Variants in SMC4 observed in about 807,000 individuals in gnomAD.
The protein encoded by SMC4 is structural maintenance of chromosomes protein 4.
A neutral mutation model predicts 145.6 loss-of-function variants in SMC4; 87 were observed. The ratio of observed to expected loss-of-function variants is 0.60; its 90% CI spans 0.50 to 0.71. The LOEUF is 0.71. SMC4 is among the 30% of genes least tolerant of loss of function. The pLI is 0.00. For synonymous variants in SMC4, 558 were observed against 500.7 expected (o/e 1.11, Z -1.53); for missense variants, 1,447 against 1,537.1 (o/e 0.94, Z 0.98).
Position 160,427,937 on chromosome 3 carries a change from GCACGCACACACACAAACACACACA to G in SMC4, c.2606-810_2606-787del, listed in dbSNP as rs143443366. ...CCCCATCTCTTTGAAAAATACACAC[GCACGCACACACACAAACACACACA>G]CACGCCGGGTGTGGTGGCACATGCT... On this transcript the variant is annotated intron_variant, in intron 17 of 23. Coordinates refer to ENST00000357388, the MANE Select transcript of SMC4 (RefSeq NM_001002800.3). Among the ~76,000 whole-genome samples, 1,058 of 151,956 alleles carry G rather than the reference GCACGCACACACACAAACACACACA, an allele frequency of 7.0e-3. 8 individuals are homozygous for G. The highest frequency in any genetic ancestry group is 0.024 in the African/African-American group (989 of 41,432).
chr3:160,406,111 AT>A (rs1451992752), intron 5 of SMC4, among the ~76,000 whole-genome samples: 2 of 152,122 alleles, frequency 1.3e-5, no homozygotes, highest in African/African-American at 4.8e-5. Context: ...AAATTGTCAA[AT>A]TTATATTACA....
In SMC4 at chr3:160,433,189, AT is replaced by A; in HGVS notation, c.3696del (p.Ile1232MetfsTer16). On this transcript the variant is annotated frameshift_variant, in exon 23 of 24. Transcript: ENST00000357388. LOFTEE classifies it high-confidence loss of function. The part of the protein sequence containing the change: ...DAALDFKNVS[I>X]VAFYIYEQTK... ...AGCCCTTGATTTTAAAAATGTGTCC[AT>A]TGTTGCATTTTATATATATGTAAGT... 6.2e-7 allele frequency: 1 copy of A among 1,612,558 alleles called. No homozygotes were observed. The highest frequency in any genetic ancestry group is 8.5e-7 in the Non-Finnish European group (1 of 1,179,102).
intron 16 of SMC4, among the ~76,000 whole-genome samples, chr3:160,425,351 T>G (rs1283738326): frequency 6.6e-6 from 1 of 152,198 alleles, no homozygotes; most frequent in East Asian, 1.9e-4. Flanking sequence ...GCACGCCCAC[T>G]GTTTTTTTAA....
At position 160,431,695 on chromosome 3, in the gene SMC4, C is replaced by T. The variant is rs373687438; in HGVS notation, c.3167C>T (p.Ser1056Leu). 35 of 1,610,952 alleles carry T rather than the reference C, an allele frequency of 2.2e-5. No homozygotes were observed. The highest frequency in any genetic ancestry group is 1.6e-4 in the African/African-American group (12 of 74,550). ...GAAGATAATCCTATTGAAGAGATTTCGGTTCTAAGCCCAGAGGATCTTGAA... is the reference window on the plus strand; with the variant it reads ...GAAGATAATCCTATTGAAGAGATTTTGGTTCTAAGCCCAGAGGATCTTGAA... ...PIEDNPIEEI[S>L]VLSPEDLEAI... Residue 1056 changes from serine to leucine, a missense_variant, in exon 21 of 24, where the codon TCG becomes TTG. Ser to Leu is a moderately radical substitution (Grantham distance 145, BLOSUM62 -2). Transcript: ENST00000357388.
chr3:160,433,847 T>A lies in SMC4; in HGVS notation c.*38T>A. 1 of 1,501,452 alleles carries A rather than the reference T, an allele frequency of 6.7e-7. No individual in the cohort carries two copies. Among genetic ancestry groups the A allele is most frequent in the African/African-American group, 1.4e-5 (1 of 71,294 alleles). The allele number at this position is 1,501,452 out of a possible 1,614,324, so 93.0% of individuals were successfully genotyped here. A position where few individuals can be genotyped will look rare whatever the true frequency, so the allele number is the denominator to read the frequency against. ...AGATTCTTCAAGTTGATTCAGTGTA[T>A]TACTGATTTTTTTCTATTTGTAAAG... On this transcript the variant is annotated 3_prime_UTR_variant, in exon 24 of 24. Coordinates refer to ENST00000357388, the MANE Select transcript of SMC4 (RefSeq NM_001002800.3).
At chr3:160,430,856 A>G (rs1413984574) in intron 19 of SMC4, 113 bp downstream of exon 19, 11 of 1,289,174 alleles carry the variant, frequency 8.5e-6, no homozygotes, top group Non-Finnish European at 1.2e-5. Flanking sequence ...TTAAAGTTTT[A>G]TAACTATCAA....
chr3:160,432,651 T>A lies in SMC4; in HGVS notation c.3530+136T>A, dbSNP rs1033092136. ...ATTTACTAGTAAATACTAATTTGCTTGCATGCTATTTATGCTTGCAGTTTA... is the reference window on the plus strand; with the variant it reads ...ATTTACTAGTAAATACTAATTTGCTAGCATGCTATTTATGCTTGCAGTTTA... On this transcript the variant is annotated intron_variant, in intron 22 of 23. Coordinates refer to ENST00000357388, the MANE Select transcript of SMC4 (RefSeq NM_001002800.3). The A allele has an allele frequency of 1.1e-5, 7 of 609,494 alleles. No individual in the cohort carries two copies. The African/African-American group carries it at 1.3e-4, about 11-fold the overall frequency. 37.8% of individuals were successfully genotyped at this position (609,494 alleles called of 1,614,324 possible). A position where few individuals can be genotyped will look rare whatever the true frequency, so the allele number is the denominator to read the frequency against.
Position 160,416,419 on chromosome 3 carries a change from A to ATT in SMC4, c.1437+4_1437+5insTT. ...AGGGCTTCAGAAAGAAAAAGAAGTA[A>ATT]GTTTTTTTTTTTTATCAGTGTTTAT... is the stretch of plus-strand genomic sequence containing the variant. On this transcript the variant is annotated splice_donor_region_variant and intron_variant, in intron 10 of 23. Transcript: ENST00000357388. 1 of 1,443,984 alleles carries ATT rather than the reference A, an allele frequency of 6.9e-7. No homozygotes were observed. Among genetic ancestry groups the ATT allele is most frequent in the Non-Finnish European group, 9.2e-7 (1 of 1,087,232 alleles). 89.4% of individuals were successfully genotyped at this position (1,443,984 alleles called of 1,614,324 possible). A position where few individuals can be genotyped will look rare whatever the true frequency, so the allele number is the denominator to read the frequency against.
At chr3:160,404,708 A>G (rs758719464) in intron 5 of SMC4, 1 of 708,552 alleles carries the variant, frequency 1.4e-6, no homozygotes, top group South Asian at 1.4e-5. Flanking sequence ...TTTCATCATC[A>G]GATGTTCGTT....
chr3:160,411,484 G>A (rs1559995233), intron 5 of SMC4, among the ~76,000 whole-genome samples: 1 of 152,132 alleles, frequency 6.6e-6, no homozygotes. Flanking sequence ...AAGTGTTTTT[G>A]AAAATTCTTT....
rs765022304 is a variant in SMC4 at position 160,433,059 on chromosome 3, C to G, written c.3564C>G (p.Ile1188Met). 1 of 1,613,514 alleles carries G rather than the reference C, an allele frequency of 6.2e-7. No homozygotes were observed. ...CACCTAAGAAAAGTTGGAAAAAGAT[C>G]TTCAACCTTTCGGGAGGAGAGAAAA... ...VRPPKKSWKK[I>M]FNLSGGEKTL... The change falls in exon 23 of 24, where the codon ATC (isoleucine) becomes ATG (methionine). Residue 1188 changes from isoleucine to methionine, a missense_variant. Physicochemically the swap from Ile to Met is conservative, Grantham distance 10. Coordinates refer to ENST00000357388, the MANE Select transcript of SMC4 (RefSeq NM_001002800.3).
In SMC4 at chr3:160,412,063, A is replaced by G; in HGVS notation, c.831A>G (p.Leu277=). The G allele has an allele frequency of 6.2e-7, 1 of 1,613,380 alleles. No homozygotes were observed. Among genetic ancestry groups the G allele is most frequent in the Non-Finnish European group, 8.5e-7 (1 of 1,179,674 alleles). The change falls in exon 6 of 24, where the codon TTA becomes TTG. Residue 277 remains leucine (L), a synonymous_variant. Coordinates refer to ENST00000357388, the MANE Select transcript of SMC4 (RefSeq NM_001002800.3). ...IKVLCRRVEI[L]NEHRGEKLNR... is the part of the protein sequence containing the mutation. Reference sequence around the variant, plus strand: ...TCTTGTGTCGGAGAGTTGAAATATTAAATGAACACAGAGGAGAGAAGGTGA... The same window carrying G: ...TCTTGTGTCGGAGAGTTGAAATATTGAATGAACACAGAGGAGAGAAGGTGA...
Position 160,430,745 on chromosome 3 carries a change from T to C in SMC4, c.2940+2T>C. 6.2e-7 allele frequency: 1 copy of C among 1,607,860 alleles called. No individual in the cohort carries two copies. The highest frequency in any genetic ancestry group is 8.5e-7 in the Non-Finnish European group (1 of 1,178,112). ...GTAAAGAATACAAATGCTGCAGAGG[T>C]ATGAGTTGCTTTGTATTGAAGAGGA... On this transcript the variant is annotated splice_donor_variant, in intron 19 of 23. Coordinates refer to ENST00000357388, the MANE Select transcript of SMC4 (RefSeq NM_001002800.3). LOFTEE classifies it high-confidence loss of function.
chr3:160,424,830 A>C (rs11718121), intron 15 of SMC4, 37 bp from the exon 16 acceptor site: 721,298 of 1,605,422 alleles, frequency 0.45, 167,170 homozygotes, highest in Non-Finnish European at 0.48. Context: ...CTTTTCTGTC[A>C]ATCTGAAATG....
In SMC4 at chr3:160,428,672, G is replaced by A. The variant is rs1234248553; in HGVS notation, c.2606-81G>A. ...TTTTAATGCATCACGTCAAGTCATA[G>A]CAACTGAAGAAATGTACATCTAACA... On this transcript the variant is annotated intron_variant, in intron 17 of 23. Coordinates refer to ENST00000357388, the MANE Select transcript of SMC4 (RefSeq NM_001002800.3). The A allele has an allele frequency of 3.8e-6, 5 of 1,319,392 alleles. No homozygotes were observed. The African/African-American group carries it at 4.6e-5, about 12-fold the overall frequency. 81.7% of individuals were successfully genotyped at this position (1,319,392 alleles called of 1,614,324 possible). A position where few individuals can be genotyped will look rare whatever the true frequency, so the allele number is the denominator to read the frequency against.
In SMC4 at chr3:160,423,600, A is replaced by T. The variant is rs1161073664; in HGVS notation, c.2195A>T (p.Asp732Val). 8.1e-6 allele frequency: 13 copies of T among 1,613,662 alleles called. No individual in the cohort carries two copies. The highest frequency in any genetic ancestry group is 2.2e-5 in the South Asian group (2 of 91,076). The change falls in exon 14 of 24, where the codon GAT (aspartate) becomes GTT (valine). Residue 732 changes from aspartate to valine, a missense_variant. Physicochemically the swap from Asp to Val is radical, Grantham distance 152. Coordinates refer to ENST00000357388, the MANE Select transcript of SMC4 (RefSeq NM_001002800.3). ...DQATRVAYQKDRRWRVVTLQG... is the reference protein window; with the variant it reads ...DQATRVAYQKVRRWRVVTLQG... ...GCCACAAGAGTAGCATATCAAAAAGATAGAAGATGGAGAGTGGTAACTTTA... is the reference window on the plus strand; with the variant it reads ...GCCACAAGAGTAGCATATCAAAAAGTTAGAAGATGGAGAGTGGTAACTTTA...
intron 18 of SMC4, 124 bp downstream of exon 18, chr3:160,429,066 C>G: frequency 1.3e-6 from 1 of 772,004 alleles, no homozygotes; most frequent in Non-Finnish European, 2.0e-6. Flanking sequence ...CTGTCTGACA[C>G]ATTACCTAAT....
chr3:160,416,933 G>T (rs1576965180), intron 10 of SMC4, among the ~76,000 whole-genome samples: 1 of 151,876 alleles, frequency 6.6e-6, no homozygotes, highest in African/African-American at 2.4e-5. Context: ...TGAAAATAAA[G>T]AATAAATATA....
At chr3:160,411,108 A>G (rs959715242) in intron 5 of SMC4, among the ~76,000 whole-genome samples, 1 of 151,968 alleles carries the variant, frequency 6.6e-6, no homozygotes, top group Non-Finnish European at 1.5e-5. Context: ...CTTATTATGG[A>G]TTTTTTTTCT....
Sources: gnomAD v4.1 joint callset for allele counts (sites outside exome capture counted in the v4.1 genomes callset) on GRCh38, gnomAD v4.1.1 for gene constraint, MANE v1.5 for transcripts, NCBI Gene and HGNC (gene_info 2026-07-23, HGNC 2026-07-21) for gene names.